GLIS3: variants seen among roughly 807,000 people sequenced by gnomAD.
GLIS3 encodes GLIS family zinc finger 3, also known as zinc finger protein GLIS3.
A neutral mutation model predicts 78.6 loss-of-function variants in GLIS3; 53 were observed. That is an observed-to-expected ratio of 0.67 (90% CI 0.54 to 0.85). The LOEUF is 0.85. Ranked by LOEUF, GLIS3 falls within the 40% of genes least tolerant of loss-of-function variation. The pLI is 0.00. For missense variants in GLIS3, 1,703 were observed against 1,231.1 expected (o/e 1.38, Z -5.74); for synonymous variants, 684 against 509.9 (o/e 1.34, Z -4.60).
At chr9:4,325,519 A>T (rs560267622) in intron 2 of GLIS3, among the ~76,000 whole-genome samples, 14 of 152,306 alleles carry the variant, frequency 9.2e-5, no homozygotes, top group African/African-American at 3.4e-4. Context: ...TTCACCTTCC[A>T]GTTGCTCTCG....
chr9:4,117,419 A>G (rs1831740707), intron 4 of GLIS3, among the ~76,000 whole-genome samples: 2 of 152,222 alleles, frequency 1.3e-5, no homozygotes, highest in Non-Finnish European at 2.9e-5. Context: ...AAAGAACTAA[A>G]GCTTGCTGAT....
intron 2 of GLIS3, among the ~76,000 whole-genome samples, chr9:4,208,603 G>T (rs1237788375): frequency 6.6e-6 from 1 of 152,184 alleles, no homozygotes; most frequent in Non-Finnish European, 1.5e-5. Context: ...ATTTAACCAT[G>T]TCCTGTGCTC....
intron 2 of GLIS3, among the ~76,000 whole-genome samples, chr9:4,214,177 G>T (rs1012296083): frequency 1.3e-5 from 2 of 152,120 alleles, no homozygotes; most frequent in East Asian, 1.9e-4. Context: ...TTAACAAAAA[G>T]TAGGATAATT....
intron 1 of GLIS3, among the ~76,000 whole-genome samples, chr9:4,288,401 G>C (rs1828179758): frequency 6.6e-6 from 1 of 152,168 alleles, no homozygotes; most frequent in Non-Finnish European, 1.5e-5. Context: ...AACATGACTG[G>C]AAATATGAGT....
intron 9 of GLIS3, among the ~76,000 whole-genome samples, chr9:3,835,208 C>G (rs951611693): frequency 6.6e-6 from 1 of 152,192 alleles, no homozygotes; most frequent in African/African-American, 2.4e-5. Context: ...ACTGTGGGCA[C>G]TAGGAAAAGT....
At chr9:3,956,406 C>A (rs567327946) in intron 4 of GLIS3, among the ~76,000 whole-genome samples, 4 of 152,258 alleles carry the variant, frequency 2.6e-5, no homozygotes, top group East Asian at 1.9e-4. Context: ...TGGACAGAAG[C>A]CTTCAGATCA....
intron 2 of GLIS3, among the ~76,000 whole-genome samples, chr9:4,159,285 C>T (rs375799745): frequency 6.6e-6 from 1 of 152,134 alleles, no homozygotes; most frequent in Admixed American, 6.5e-5. Context: ...AGAGTTTTCT[C>T]GCATTTTGTA....
chr9:4,474,785 C>T, the GLIS3 span, among the ~76,000 whole-genome samples: 1 of 150,422 alleles, frequency 6.6e-6, no homozygotes, highest in Non-Finnish European at 1.5e-5. Context: ...CAGCCTCAAC[C>T]TCCCAGTCTC....
intron 1 of GLIS3, among the ~76,000 whole-genome samples, chr9:4,287,754 A>G (rs917341352): frequency 1.3e-5 from 2 of 152,250 alleles, no homozygotes; most frequent in Non-Finnish European, 2.9e-5. Context: ...AGAAAAGGCT[A>G]TCAAGGAGAA....
intron 4 of GLIS3, chr9:4,034,938 T>G (rs905144028): frequency 6.6e-6 from 1 of 152,130 alleles, no homozygotes; most frequent in African/African-American, 2.4e-5. Context: ...TATTCTCTTG[T>G]AGTAGCAGGA....
At chr9:4,358,493 G>A in the GLIS3 span, among the ~76,000 whole-genome samples, 5 of 152,080 alleles carry the variant, frequency 3.3e-5, no homozygotes, top group African/African-American at 1.2e-4. Context: ...TGTTAGGAGT[G>A]GTGAATTAAA....
intron 2 of GLIS3, among the ~76,000 whole-genome samples, chr9:4,283,368 C>T (rs938915591): frequency 2.6e-5 from 4 of 151,794 alleles, no homozygotes; most frequent in African/African-American, 9.7e-5. Context: ...CAGGCTCAAG[C>T]AATTCTCCTG....
intron 9 of GLIS3, among the ~76,000 whole-genome samples, chr9:3,839,507 C>T (rs577095539): frequency 6.6e-6 from 1 of 152,052 alleles, no homozygotes; most frequent in African/African-American, 2.4e-5. Context: ...CAGGCATTGC[C>T]CCAGGTGTTT....
At chr9:4,037,021 A>C (rs529824266) in intron 4 of GLIS3, among the ~76,000 whole-genome samples, 1 of 152,194 alleles carries the variant, frequency 6.6e-6, no homozygotes, top group African/African-American at 2.4e-5. Flanking sequence ...CCATGTTCTA[A>C]CCTTTGCTGT....
chr9:3,966,362 A>T (rs1336185815), intron 4 of GLIS3, among the ~76,000 whole-genome samples: 1 of 152,218 alleles, frequency 6.6e-6, no homozygotes, highest in Non-Finnish European at 1.5e-5. Context: ...TATTGAGCAA[A>T]TTCCAAGAAT....
intron 2 of GLIS3, among the ~76,000 whole-genome samples, chr9:4,260,840 T>C (rs1414842356): frequency 6.6e-6 from 1 of 152,192 alleles, no homozygotes; most frequent in Non-Finnish European, 1.5e-5. Context: ...CTGAAACCTC[T>C]CTCTCTTTCT....
At chr9:4,358,291 T>G in the GLIS3 span, among the ~76,000 whole-genome samples, 30 of 151,942 alleles carry the variant, frequency 2.0e-4, no homozygotes, top group African/African-American at 6.0e-4. Context: ...GCTCGATTTT[T>G]TTTAACCATG....
chr9:4,152,485 C>A (rs982759339), intron 2 of GLIS3, among the ~76,000 whole-genome samples: 1 of 152,204 alleles, frequency 6.6e-6, no homozygotes, highest in East Asian at 1.9e-4. Flanking sequence ...GGAGCCTACA[C>A]AAATTATGTG....
intron 4 of GLIS3, among the ~76,000 whole-genome samples, chr9:4,102,928 G>C (rs1179299528): frequency 1.3e-5 from 2 of 151,900 alleles, no homozygotes; most frequent in Admixed American, 1.3e-4. Context: ...GGAATAAGTA[G>C]GTGTTGGAAA....
Sources: allele counts gnomAD v4.1 joint callset (sites outside exome capture counted in the v4.1 genomes callset), GRCh38; gene constraint gnomAD v4.1.1; transcripts MANE v1.5; gene names NCBI Gene and HGNC (gene_info 2026-07-23, HGNC 2026-07-21).